Variants in ECT2 observed in about 807,000 individuals in gnomAD.
ECT2 encodes protein ECT2.
Under a neutral mutation model 116.9 loss-of-function variants are expected in ECT2, and 61 were observed. That is an observed-to-expected ratio of 0.52 (90% CI 0.42 to 0.65). The LOEUF (loss-of-function observed/expected upper bound fraction) is 0.65. Ranked by LOEUF, ECT2 falls within the 30% of genes least tolerant of loss-of-function variation. The pLI is 0.00. For missense variants in ECT2, 937 were observed against 1,078.7 expected (o/e 0.87, Z 1.84); for synonymous variants, 358 against 346.4 (o/e 1.03, Z -0.37).
chr3:172,780,083 C>CT (rs916775561), intron 14 of ECT2, among the ~76,000 whole-genome samples: 1 of 151,950 alleles, frequency 6.6e-6, no homozygotes, highest in African/African-American at 2.4e-5. Flanking sequence ...CTTTCTGTAT[C>CT]TATGATTTTG....
intron 22 of ECT2, among the ~76,000 whole-genome samples, chr3:172,812,398 G>A (rs1315267288): frequency 1.3e-5 from 2 of 151,792 alleles, no homozygotes; most frequent in Non-Finnish European, 2.9e-5. Flanking sequence ...TGACTCTTTG[G>A]TATATGTGTG....
chr3:172,821,552 T>C (rs1730684314), downstream of ECT2: 1 of 151,910 alleles, frequency 6.6e-6, no homozygotes, highest in Admixed American at 6.6e-5. Flanking sequence ...ATATGCTCTT[T>C]TGTGTACTTG....
At chr3:172,780,476 T>A (rs62281232) in intron 14 of ECT2, among the ~76,000 whole-genome samples, 10 of 152,226 alleles carry the variant, frequency 6.6e-5, no homozygotes, top group Non-Finnish European at 1.2e-4. Context: ...GTAGCATTGA[T>A]GAGCTATATG....
intron 7 of ECT2, among the ~76,000 whole-genome samples, chr3:172,760,844 C>T (rs1401216405): frequency 6.6e-6 from 1 of 151,278 alleles, no homozygotes; most frequent in Non-Finnish European, 1.5e-5. Flanking sequence ...CCTCAGCCTC[C>T]CGAGTAGCTG....
At chr3:172,754,722 C>A in intron 2 of ECT2, 62 bp downstream of exon 2, 2 of 1,307,546 alleles carry the variant, frequency 1.5e-6, no homozygotes, top group Non-Finnish European at 2.1e-6. Flanking sequence ...TTATTAGTGA[C>A]TTTCTTAAGA....
chr3:172,829,216 C>A, the ECT2 span: 1 of 343,492 alleles, frequency 2.9e-6, no homozygotes, highest in South Asian at 4.1e-5. Flanking sequence ...GGCGCCCAGC[C>A]AAAAATTGGT....
intron 20 of ECT2, 30 bp from the exon 21 acceptor site, chr3:172,805,701 G>T: frequency 6.2e-7 from 1 of 1,601,986 alleles, no homozygotes. Flanking sequence ...TCATTTTATT[G>T]ACTGATACTT....
the ECT2 span, chr3:172,828,932 C>A: frequency 6.8e-7 from 1 of 1,465,706 alleles, no homozygotes; most frequent in African/African-American, 1.4e-5. Flanking sequence ...AGTCCCTGAA[C>A]CAGCCACACC....
rs532895710 is a variant in ECT2, at chr3:172,752,570, G to A, written c.-23+1713G>A. The A allele has an allele frequency of 6.6e-5, 10 of 151,900 alleles. No homozygotes were observed. The South Asian group carries it at 1.2e-3, about 19-fold the overall frequency. The allele number at this position is 151,900 out of a possible 1,614,324, so 9.4% of individuals were successfully genotyped here. On this transcript the variant is annotated intron_variant, in intron 1 of 24. Coordinates refer to ENST00000392692, the MANE Select transcript of ECT2 (RefSeq NM_001258315.2). The stretch of plus-strand genomic sequence containing the variant: ...ATGCCTTTTCATTGGAAATGGTTGA[G>A]TGTAGAAGACTTAAAATAATAGGGC...
chr3:172,828,513 C>A, the ECT2 span, among the ~76,000 whole-genome samples: 155 of 151,804 alleles, frequency 1.0e-3, 2 homozygotes, highest in Admixed American at 3.7e-3. Context: ...CAGTGCAGTG[C>A]TGGAAGTCTT....
Position 172,757,011 on chromosome 3 carries a change from A to G in ECT2, c.332A>G (p.Glu111Gly). 6.2e-7 allele frequency: 1 copy of G among 1,607,724 alleles called. No individual in the cohort carries two copies. The highest frequency in any genetic ancestry group is 1.7e-5 in the Admixed American group (1 of 57,994). Residue 111 changes from glutamate (E) to glycine (G), a missense_variant, in exon 5 of 25, where the codon GAG (glutamate) becomes GGG (glycine). Transcript: ENST00000392692. ...MDIKVGFVKMESVEEFEGLDS... is the reference protein window; with the variant it reads ...MDIKVGFVKMGSVEEFEGLDS... ...ATTAAAGTGGGCTTTGTAAAGATGGAGTCAGTGGAAGAATTTGAAGGTTTG... is the reference window on the plus strand; with the variant it reads ...ATTAAAGTGGGCTTTGTAAAGATGGGGTCAGTGGAAGAATTTGAAGGTTTG...
chr3:172,780,046 A>G (rs1576926357), intron 14 of ECT2, among the ~76,000 whole-genome samples: 1 of 152,098 alleles, frequency 6.6e-6, no homozygotes, highest in Non-Finnish European at 1.5e-5. Context: ...TTATTTCTAC[A>G]CCCAGCCATA....
intron 18 of ECT2, among the ~76,000 whole-genome samples, chr3:172,788,351 T>A (rs899164585): frequency 6.6e-6 from 1 of 152,246 alleles, no homozygotes. Flanking sequence ...GTTATAGATA[T>A]GTTTTTAGTT....
chr3:172,795,909 CAT>C (rs2108899770), intron 18 of ECT2, among the ~76,000 whole-genome samples: 1 of 152,090 alleles, frequency 6.6e-6, no homozygotes, highest in South Asian at 2.1e-4. Context: ...TGTTAATACA[CAT>C]AAAATTATAA....
At chr3:172,771,100 A>C (rs1327406255) in intron 13 of ECT2, among the ~76,000 whole-genome samples, 1 of 152,176 alleles carries the variant, frequency 6.6e-6, no homozygotes, top group Non-Finnish European at 1.5e-5. Context: ...GCTGGTACAC[A>C]TGAAATTTCC....
rs892747305 is a variant in ECT2, at chr3:172,821,070, A to G, written c.*833A>G. 1 of 151,928 alleles carries G rather than the reference A, an allele frequency of 6.6e-6. No homozygotes were observed. Among genetic ancestry groups the G allele is most frequent in the African/African-American group, 2.4e-5 (1 of 41,442 alleles). 9.4% of individuals were successfully genotyped at this position (151,928 alleles called of 1,614,324 possible). A position where few individuals can be genotyped will look rare whatever the true frequency, so the allele number is the denominator to read the frequency against. Reference sequence around the variant, plus strand: ...GTGGTAAAGACTGTTTGTACCCTTCATGAAATAATTCTGAAGTTGCCATCA... The same window carrying G: ...GTGGTAAAGACTGTTTGTACCCTTCGTGAAATAATTCTGAAGTTGCCATCA... On this transcript the variant is annotated 3_prime_UTR_variant, in exon 25 of 25. Coordinates refer to ENST00000392692, the MANE Select transcript of ECT2 (RefSeq NM_001258315.2).
chr3:172,824,524 T>C (rs1380635669), downstream of ECT2, among the ~76,000 whole-genome samples: 1 of 152,138 alleles, frequency 6.6e-6, no homozygotes, highest in Non-Finnish European at 1.5e-5. Flanking sequence ...CACCAGGCCC[T>C]ACCTCCAGCA....
At position 172,769,088 on chromosome 3, in the gene ECT2, A is replaced by T; in HGVS notation, c.1373A>T (p.Lys458Ile). Residue 458 changes from lysine (K) to isoleucine (I), a missense_variant, in exon 13 of 25, where the codon AAA (lysine) becomes ATA (isoleucine). Lys to Ile is a moderately radical substitution (Grantham distance 102). Coordinates refer to ENST00000392692, the MANE Select transcript of ECT2 (RefSeq NM_001258315.2). ...SKQSARWQVAKELYQTESNYV... is the reference protein window; with the variant it reads ...SKQSARWQVAIELYQTESNYV... ...CAGTCAGCAAGGTGGCAAGTTGCAA[A>T]AGAGCTTTATCAAACTGAAAGTAAT... The T allele has an allele frequency of 6.2e-7, 1 of 1,613,440 alleles. No homozygotes were observed. The highest frequency in any genetic ancestry group is 8.5e-7 in the Non-Finnish European group (1 of 1,179,554).
intron 21 of ECT2, among the ~76,000 whole-genome samples, chr3:172,807,541 A>G (rs1728001251): frequency 6.6e-6 from 1 of 152,240 alleles, no homozygotes; most frequent in South Asian, 2.1e-4. Context: ...ACTTAATGTC[A>G]TTAACTTATC....
Sources: allele counts gnomAD v4.1 joint callset (sites outside exome capture counted in the v4.1 genomes callset), GRCh38; gene constraint gnomAD v4.1.1; transcripts MANE v1.5; gene names NCBI Gene and HGNC (gene_info 2026-07-23, HGNC 2026-07-21).